The following CCDC3 variants were observed in gnomAD, a reference collection of about 807,000 sequenced individuals.
CCDC3 encodes the protein coiled-coil domain containing 3.
A neutral mutation model predicts 21.4 loss-of-function variants in CCDC3; 24 were observed. The observed-to-expected ratio is 1.12, with a 90% CI of 0.81 to 1.58. The LOEUF is 1.58. Ranked by LOEUF, CCDC3 falls within the 40% of genes most tolerant of loss-of-function variation. CCDC3 has a pLI of 0.00. For synonymous variants in CCDC3, 186 were observed against 166.0 expected, an observed-to-expected ratio of 1.12 and a Z score of -0.93; for missense variants, 425 against 360.9, an observed-to-expected ratio of 1.18 and a Z score of -1.44.
Position 13,031,670 on chromosome 10 carries a change from T to A in CCDC3, c.-2+18004A>T, listed in dbSNP as rs189315483. ...ATGATAAAGGGGGTATCACCACCAA[T>A]CCCACAGAAATACAAACTACCATCA... On this transcript the variant is annotated intron_variant, in intron 5 of 6. Transcript: ENST00000378839. Among the ~76,000 whole-genome samples, 676 of 152,148 alleles carry A rather than the reference T, an allele frequency of 4.4e-3. 4 individuals are homozygous for A. The highest frequency in any genetic ancestry group is 6.5e-3 in the Non-Finnish European group (443 of 67,998).
At position 12,955,010 on chromosome 10, in the gene CCDC3, G is replaced by T. The variant is rs1835062048; in HGVS notation, c.549+43328C>A. The stretch of plus-strand genomic sequence containing the variant: ...GTACTGTCCCACCTAGACATTACCA[G>T]TTGTCATTCACAGCCTAGCACTTCA... On this transcript the variant is annotated intron_variant, in intron 2 of 2. Coordinates refer to ENST00000378825, the MANE Select transcript of CCDC3 (RefSeq NM_031455.4). Among the ~76,000 whole-genome samples the T allele has an allele frequency of 2.0e-5, 3 of 152,044 alleles. No homozygotes were observed. The South Asian group carries it at 6.2e-4, about 32-fold the overall frequency.
intron 2 of CCDC3, among the ~76,000 whole-genome samples, chr10:12,967,079 G>A (rs2131261596): frequency 6.6e-6 from 1 of 152,298 alleles, no homozygotes; most frequent in East Asian, 1.9e-4. Flanking sequence ...CCCAGGGTGA[G>A]GCAGCTGTGA....
At position 13,001,356 on chromosome 10, in the gene CCDC3, C is replaced by T. The variant is rs774835635; in HGVS notation, c.215G>A (p.Gly72Asp). The T allele has an allele frequency of 1.3e-6, 2 of 1,598,148 alleles. No individual in the cohort carries two copies. Among genetic ancestry groups the T allele is most frequent in the Non-Finnish European group, 1.7e-6 (2 of 1,173,692 alleles). ...CTCGACCTCGGCCGAGTAGAAGAGG[C>T]CCCCCTGGCCGGCGTGGTACTGCCA... The part of the protein sequence containing the change: ...LPWQYHAGQG[G>D]LFYSAEVEML... The change falls in exon 1 of 3, where the codon GGC (glycine) becomes GAC (aspartate). Residue 72 changes from glycine to aspartate, a missense_variant. Gly to Asp is a moderately conservative substitution (Grantham distance 94). Coordinates refer to ENST00000378825, the MANE Select transcript of CCDC3 (RefSeq NM_031455.4).
intron 3 of CCDC3, among the ~76,000 whole-genome samples, chr10:13,084,494 T>C (rs1433896707): frequency 6.6e-6 from 1 of 152,062 alleles, no homozygotes; most frequent in Non-Finnish European, 1.5e-5. Context: ...TCCATGTTGG[T>C]CAGTCTGGTC....
chr10:13,077,203 T>G (rs984293921), intron 3 of CCDC3, among the ~76,000 whole-genome samples: 3 of 152,148 alleles, frequency 2.0e-5, no homozygotes, highest in African/African-American at 7.2e-5. Flanking sequence ...CAAGCATTCC[T>G]AAACACCAAT....
chr10:13,034,518 TA>T (rs1193918099), intron 5 of CCDC3, among the ~76,000 whole-genome samples: 2 of 98,810 alleles, frequency 2.0e-5, no homozygotes, highest in African/African-American at 6.4e-5. Flanking sequence ...CCCAAAAGCC[TA>T]GATCTTAAAA....
At chr10:13,081,423 T>C (rs1008780642) in intron 3 of CCDC3, among the ~76,000 whole-genome samples, 1 of 152,146 alleles carries the variant, frequency 6.6e-6, no homozygotes, top group Non-Finnish European at 1.5e-5. Context: ...GGACCCTACC[T>C]TGTGCTGCTA....
intron 5 of CCDC3, among the ~76,000 whole-genome samples, chr10:13,015,841 C>CA (rs1836051707): frequency 6.6e-6 from 1 of 151,636 alleles, no homozygotes; most frequent in African/African-American, 2.4e-5. Flanking sequence ...TTAATAGGTA[C>CA]AAAAACTAGT....
At chr10:13,085,178 G>A (rs949184589) in intron 3 of CCDC3, among the ~76,000 whole-genome samples, 2 of 152,172 alleles carry the variant, frequency 1.3e-5, no homozygotes, top group Admixed American at 6.5e-5. Context: ...AGGCACTGGA[G>A]TCTGCCTAGC....
At chr10:13,050,748 C>A (rs191616038) in intron 4 of CCDC3, among the ~76,000 whole-genome samples, 4 of 151,970 alleles carry the variant, frequency 2.6e-5, no homozygotes, top group Non-Finnish European at 4.4e-5. Context: ...CGTGAACCAC[C>A]GCGCCCAGCC....
At chr10:12,966,882 CT>C (rs1835269849) in intron 2 of CCDC3, among the ~76,000 whole-genome samples, 1 of 152,188 alleles carries the variant, frequency 6.6e-6, no homozygotes, top group Non-Finnish European at 1.5e-5. Context: ...TTTCCCGTAT[CT>C]TATCTCTTTG....
At chr10:13,012,500 C>T (rs1051171095) in intron 5 of CCDC3, among the ~76,000 whole-genome samples, 3 of 151,906 alleles carry the variant, frequency 2.0e-5, no homozygotes, top group Admixed American at 6.6e-5. Context: ...CCATCTCGCA[C>T]GAGTCTGAAT....
At chr10:12,957,663 AGCGT>A (rs1222382067) in intron 2 of CCDC3, among the ~76,000 whole-genome samples, 1 of 152,080 alleles carries the variant, frequency 6.6e-6, no homozygotes, top group African/African-American at 2.4e-5. Context: ...ATTGTTTCTA[AGCGT>A]GCGGCACCTC....
At chr10:12,926,101 T>C (rs932597928) in intron 2 of CCDC3, among the ~76,000 whole-genome samples, 2 of 152,176 alleles carry the variant, frequency 1.3e-5, no homozygotes, top group Admixed American at 6.5e-5. Context: ...CAGTCCTGGG[T>C]AGGGACTGGA....
chr10:12,915,052 A>G (rs1374478372), intron 2 of CCDC3, among the ~76,000 whole-genome samples: 1 of 152,078 alleles, frequency 6.6e-6, no homozygotes. Flanking sequence ...CATTTGTCTC[A>G]TGACACTTTA....
chr10:13,010,429 C>T (rs1273107222), intron 5 of CCDC3, among the ~76,000 whole-genome samples: 2 of 152,270 alleles, frequency 1.3e-5, no homozygotes, highest in East Asian at 1.9e-4. Context: ...GATACTCCTA[C>T]ACATCTACTT....
chr10:12,971,096 G>A (rs998653556), intron 2 of CCDC3, among the ~76,000 whole-genome samples: 2 of 152,102 alleles, frequency 1.3e-5, no homozygotes, highest in East Asian at 1.9e-4. Context: ...GCCTTATACC[G>A]TTAATGTGAA....
At chr10:13,087,154 C>T (rs1837121371) in intron 3 of CCDC3, among the ~76,000 whole-genome samples, 1 of 152,164 alleles carries the variant, frequency 6.6e-6, no homozygotes, top group Non-Finnish European at 1.5e-5. Flanking sequence ...CCTGTAATCC[C>T]AGCACTTTGG....
intron 3 of CCDC3, among the ~76,000 whole-genome samples, chr10:13,096,635 A>C (rs189170348): frequency 2.0e-5 from 3 of 152,308 alleles, no homozygotes; most frequent in Admixed American, 2.0e-4. Flanking sequence ...TCAGCCCAGC[A>C]ACATTGCCAC....
Sources: allele counts gnomAD v4.1 joint callset (sites outside exome capture counted in the v4.1 genomes callset), GRCh38; gene constraint gnomAD v4.1.1; transcripts MANE v1.5; gene names NCBI Gene and HGNC (gene_info 2026-07-23, HGNC 2026-07-21).